The following HS6ST3 variants were observed in gnomAD, a reference collection of about 807,000 sequenced individuals.
HS6ST3 encodes heparan sulfate 6-O-sulfotransferase 3.
In HS6ST3, 12 loss-of-function variants were observed where a neutral mutation model predicts 36.7. The observed-to-expected ratio is 0.33, with a 90% CI of 0.21 to 0.53. The LOEUF (loss-of-function observed/expected upper bound fraction) is 0.53. Ranked by LOEUF, HS6ST3 falls within the 20% of genes least tolerant of loss-of-function variation. The pLI is 0.95. For missense variants in HS6ST3, 584 were observed against 640.9 expected, an observed-to-expected ratio of 0.91 and a Z score of 0.96; for synonymous variants, 240 against 257.5, an observed-to-expected ratio of 0.93 and a Z score of 0.65.
chr13:96,539,326 C>T (rs1041736317), intron 1 of HS6ST3, among the ~76,000 whole-genome samples: 4 of 151,988 alleles, frequency 2.6e-5, no homozygotes, highest in East Asian at 1.9e-4. Context: ...TTTAACCCAA[C>T]GAAAGCATTT....
At chr13:96,782,524 A>G (rs996902499) in intron 1 of HS6ST3, among the ~76,000 whole-genome samples, 1 of 152,136 alleles carries the variant, frequency 6.6e-6, no homozygotes, top group Non-Finnish European at 1.5e-5. Flanking sequence ...CTAGAAATGG[A>G]CAAGTTGTGA....
At chr13:96,263,251 T>G (rs905768444) in intron 1 of HS6ST3, among the ~76,000 whole-genome samples, 1 of 152,212 alleles carries the variant, frequency 6.6e-6, no homozygotes, top group Admixed American at 6.5e-5. Flanking sequence ...AAATTTCCAC[T>G]GGAGGTAGAG....
chr13:96,274,660 G>A (rs1202804051), intron 1 of HS6ST3, among the ~76,000 whole-genome samples: 3 of 151,970 alleles, frequency 2.0e-5, no homozygotes, highest in African/African-American at 4.8e-5. Flanking sequence ...TGGGGACAAG[G>A]GACTAAGTAA....
chr13:96,335,144 G>A (rs977129658), intron 1 of HS6ST3, among the ~76,000 whole-genome samples: 6 of 152,132 alleles, frequency 3.9e-5, no homozygotes, highest in Non-Finnish European at 8.8e-5. Flanking sequence ...GCTGGTGCAG[G>A]AGGTGTCATG....
intron 1 of HS6ST3, among the ~76,000 whole-genome samples, chr13:96,704,974 G>A (rs1419643968): frequency 1.3e-5 from 2 of 152,140 alleles, no homozygotes; most frequent in Non-Finnish European, 2.9e-5. Flanking sequence ...TTATTCTTTA[G>A]AGCAGTTTTA....
At chr13:96,626,901 GT>G (rs1431428226) in intron 1 of HS6ST3, among the ~76,000 whole-genome samples, 1 of 151,766 alleles carries the variant, frequency 6.6e-6, no homozygotes, top group African/African-American at 2.4e-5. Context: ...TACTCATTTT[GT>G]ATCTAACAGT....
At chr13:96,596,412 G>T (rs531823367) in intron 1 of HS6ST3, among the ~76,000 whole-genome samples, 3 of 152,238 alleles carry the variant, frequency 2.0e-5, no homozygotes, top group South Asian at 4.1e-4. Flanking sequence ...AAATTGTGCT[G>T]CAATAAACAT....
At chr13:96,459,222 A>G (rs2055770329) in intron 1 of HS6ST3, among the ~76,000 whole-genome samples, 1 of 151,806 alleles carries the variant, frequency 6.6e-6, no homozygotes, top group South Asian at 2.1e-4. Context: ...TGAGGATATA[A>G]TTAATACTTA....
chr13:96,648,929 C>T (rs1386509522), intron 1 of HS6ST3, among the ~76,000 whole-genome samples: 1 of 151,970 alleles, frequency 6.6e-6, no homozygotes, highest in Non-Finnish European at 1.5e-5. Context: ...GATTCCATGT[C>T]TTTGCTATAG....
At chr13:96,451,132 A>T (rs2055726153) in intron 1 of HS6ST3, among the ~76,000 whole-genome samples, 2 of 151,986 alleles carry the variant, frequency 1.3e-5, no homozygotes, top group Non-Finnish European at 2.9e-5. Context: ...TTAATGTGTA[A>T]TGTAATTTAA....
chr13:96,308,649 C>T (rs2054925327), intron 1 of HS6ST3, among the ~76,000 whole-genome samples: 1 of 152,078 alleles, frequency 6.6e-6, no homozygotes, highest in South Asian at 2.1e-4. Flanking sequence ...CTTCTATTTC[C>T]ATTCCATCCT....
chr13:96,459,472 G>A (rs554223440), intron 1 of HS6ST3, among the ~76,000 whole-genome samples: 5 of 152,068 alleles, frequency 3.3e-5, no homozygotes, highest in Non-Finnish European at 5.9e-5. Context: ...AGAGTATAAC[G>A]CAATATGGAA....
intron 1 of HS6ST3, among the ~76,000 whole-genome samples, chr13:96,749,998 T>C (rs912486080): frequency 3.9e-5 from 6 of 152,166 alleles, no homozygotes; most frequent in African/African-American, 9.7e-5. Flanking sequence ...TATTTGATAA[T>C]TAAATTGAAG....
At chr13:96,670,194 G>A (rs2056678411) in intron 1 of HS6ST3, among the ~76,000 whole-genome samples, 1 of 152,120 alleles carries the variant, frequency 6.6e-6, no homozygotes, top group African/African-American at 2.4e-5. Flanking sequence ...TAAAGAAAAT[G>A]TTTTCAGAAG....
intron 1 of HS6ST3, among the ~76,000 whole-genome samples, chr13:96,317,348 A>AAT (rs34598011): frequency 0.064 from 1,933 of 30,434 alleles, 60 homozygotes; most frequent in African/African-American, 0.17. Context: ...ATATATATAT[A>AAT]TATATATATA....
intron 1 of HS6ST3, among the ~76,000 whole-genome samples, chr13:96,164,015 C>T (rs975107924): frequency 6.6e-6 from 1 of 152,144 alleles, no homozygotes; most frequent in African/African-American, 2.4e-5. Flanking sequence ...ACTGATGCCC[C>T]AGGAATGATT....
At chr13:96,634,345 A>T (rs1241715892) in intron 1 of HS6ST3, among the ~76,000 whole-genome samples, 1 of 152,188 alleles carries the variant, frequency 6.6e-6, no homozygotes, top group Non-Finnish European at 1.5e-5. Context: ...GTCAGTCAGT[A>T]AAAGCTCACA....
At chr13:96,621,274 G>A (rs1176969814) in intron 1 of HS6ST3, among the ~76,000 whole-genome samples, 6 of 152,204 alleles carry the variant, frequency 3.9e-5, no homozygotes, top group Non-Finnish European at 5.9e-5. Context: ...TGTCGAGGGA[G>A]GGACCTTGTG....
At chr13:96,761,246 TG>T (rs1876964147) in intron 1 of HS6ST3, among the ~76,000 whole-genome samples, 1 of 151,974 alleles carries the variant, frequency 6.6e-6, no homozygotes, top group Non-Finnish European at 1.5e-5. Flanking sequence ...GGAGCATAGT[TG>T]GGGTCCAATG....
Sources: gnomAD v4.1 joint callset for allele counts (sites outside exome capture counted in the v4.1 genomes callset) on GRCh38, gnomAD v4.1.1 for gene constraint, MANE v1.5 for transcripts, NCBI Gene and HGNC (gene_info 2026-07-23, HGNC 2026-07-21) for gene names.